The following LRMDA variants were observed in gnomAD, a reference collection of about 807,000 sequenced individuals.
LRMDA encodes leucine rich melanocyte differentiation associated, also known as leucine-rich melanocyte differentiation-associated protein.
In LRMDA, 18 loss-of-function variants were observed where a neutral mutation model predicts 29.8. The ratio of observed to expected loss-of-function variants is 0.60; its 90% CI spans 0.42 to 0.90. The LOEUF is 0.90. Ranked by LOEUF, LRMDA falls within the 40% of genes least tolerant of loss-of-function variation. The pLI, the probability that LRMDA is intolerant of heterozygous loss-of-function variation, is 0.00. For synonymous variants in LRMDA, 125 were observed against 109.4 expected (o/e 1.14, Z -0.89); for missense variants, 273 against 273.9 (o/e 1.00, Z 0.02).
At chr10:76,367,227 G>A (rs942027111) in intron 6 of LRMDA, among the ~76,000 whole-genome samples, 2 of 152,004 alleles carry the variant, frequency 1.3e-5, no homozygotes, top group African/African-American at 2.4e-5. Flanking sequence ...TTTTGGCTAT[G>A]TGCTTTCCTG....
At chr10:75,667,856 G>T (rs763336961) in intron 2 of LRMDA, among the ~76,000 whole-genome samples, 5 of 152,180 alleles carry the variant, frequency 3.3e-5, no homozygotes, top group Non-Finnish European at 7.3e-5. Context: ...CTTTAAAGCA[G>T]AGTTTTTCTG....
chr10:75,648,314 A>T (rs986925874), intron 2 of LRMDA, among the ~76,000 whole-genome samples: 2 of 152,140 alleles, frequency 1.3e-5, no homozygotes, highest in Non-Finnish European at 2.9e-5. Flanking sequence ...TCACCCTGCC[A>T]CACTGCCTCT....
At chr10:76,368,917 T>TAGC (rs771490734) in intron 6 of LRMDA, among the ~76,000 whole-genome samples, 11 of 152,198 alleles carry the variant, frequency 7.2e-5, no homozygotes, top group Non-Finnish European at 1.2e-4. Context: ...TAAGAATAGC[T>TAGC]ACCCCTACTT....
In LRMDA at chr10:76,501,249, C is replaced by T. The variant is rs1842906310; in HGVS notation, c.602-55960C>T. Reference sequence around the variant, plus strand: ...GCAGCATTCTAAGGTGAACATATACCACAGTTTCCTTATTCAGTCTACTAC... The same window carrying T: ...GCAGCATTCTAAGGTGAACATATACTACAGTTTCCTTATTCAGTCTACTAC... On this transcript the variant is annotated intron_variant, in intron 6 of 6. Coordinates refer to ENST00000611255, the MANE Select transcript of LRMDA (RefSeq NM_001305581.2). Among the ~76,000 whole-genome samples, 2 of 150,778 alleles carry T rather than the reference C, an allele frequency of 1.3e-5. 1 individual carries two copies. Among genetic ancestry groups the T allele is most frequent in the African/African-American group, 4.9e-5 (2 of 41,200 alleles).
chr10:76,380,542 G>A (rs7915740), intron 6 of LRMDA, among the ~76,000 whole-genome samples: 3,275 of 151,820 alleles, frequency 0.022, 127 homozygotes, highest in African/African-American at 0.073. Flanking sequence ...GGTGGCGGGC[G>A]CCTGTAGTCT....
At chr10:76,132,525 A>C (rs1363395442) in intron 5 of LRMDA, among the ~76,000 whole-genome samples, 1 of 152,226 alleles carries the variant, frequency 6.6e-6, no homozygotes, top group Non-Finnish European at 1.5e-5. Context: ...TAAAGGTCTT[A>C]TAAATTATAT....
At chr10:76,065,729 C>A (rs1589311334) in intron 5 of LRMDA, among the ~76,000 whole-genome samples, 1 of 152,236 alleles carries the variant, frequency 6.6e-6, no homozygotes, top group Non-Finnish European at 1.5e-5. Context: ...TAAAACCATT[C>A]CTTTCTCTCT....
chr10:76,072,401 A>G (rs1207748191), intron 5 of LRMDA, among the ~76,000 whole-genome samples: 1 of 152,234 alleles, frequency 6.6e-6, no homozygotes, highest in Admixed American at 6.5e-5. Context: ...GCTGATAGAT[A>G]AGAAACATCT....
At chr10:76,007,548 C>A (rs1172689225) in intron 2 of LRMDA, among the ~76,000 whole-genome samples, 2 of 152,186 alleles carry the variant, frequency 1.3e-5, no homozygotes, top group Non-Finnish European at 2.9e-5. Context: ...TGAAAGCCAC[C>A]TGCCCTGGTG....
At chr10:75,813,486 G>T (rs989401033) in intron 2 of LRMDA, among the ~76,000 whole-genome samples, 1 of 152,102 alleles carries the variant, frequency 6.6e-6, no homozygotes, top group Non-Finnish European at 1.5e-5. Context: ...TTGAACCATC[G>T]CTTCACACTT....
At chr10:76,145,333 G>T (rs1314705013) in intron 5 of LRMDA, among the ~76,000 whole-genome samples, 1 of 152,034 alleles carries the variant, frequency 6.6e-6, no homozygotes, top group East Asian at 1.9e-4. Context: ...ACTTTTTTTG[G>T]TTGGTAAGCT....
At chr10:76,266,586 C>T (rs367725785) in intron 5 of LRMDA, among the ~76,000 whole-genome samples, 2 of 152,074 alleles carry the variant, frequency 1.3e-5, no homozygotes, top group East Asian at 3.9e-4. Flanking sequence ...AAACTAAGTA[C>T]AGAGAAGTAA....
intron 2 of LRMDA, among the ~76,000 whole-genome samples, chr10:76,004,938 A>C (rs1754973921): frequency 6.6e-6 from 1 of 152,210 alleles, no homozygotes; most frequent in South Asian, 2.1e-4. Context: ...CTTGTTAGCC[A>C]GGATGGTCTC....
intron 2 of LRMDA, among the ~76,000 whole-genome samples, chr10:75,742,212 A>G (rs2132210776): frequency 6.6e-6 from 1 of 152,376 alleles, no homozygotes; most frequent in Admixed American, 6.5e-5. Flanking sequence ...TTTTTCATAC[A>G]CATATCATGA....
At chr10:76,343,791 A>G (rs1398035504) in intron 6 of LRMDA, among the ~76,000 whole-genome samples, 1 of 151,824 alleles carries the variant, frequency 6.6e-6, no homozygotes, top group East Asian at 1.9e-4. Flanking sequence ...AGCCTATTAT[A>G]AAAGTTTCAT....
intron 5 of LRMDA, among the ~76,000 whole-genome samples, chr10:76,074,908 G>A (rs11001606): frequency 0.37 from 56,465 of 152,088 alleles, 11,800 homozygotes; most frequent in Non-Finnish European, 0.46. Context: ...GATGGAGAGT[G>A]AGGAGTGTCC....
At chr10:76,419,364 T>A (rs1348827080) in intron 6 of LRMDA, among the ~76,000 whole-genome samples, 1 of 152,104 alleles carries the variant, frequency 6.6e-6, no homozygotes, top group Non-Finnish European at 1.5e-5. Context: ...AATTAGCTTT[T>A]TTTCAGTTGG....
At chr10:75,889,537 T>C (rs1472003322) in intron 2 of LRMDA, among the ~76,000 whole-genome samples, 1 of 152,142 alleles carries the variant, frequency 6.6e-6, no homozygotes, top group African/African-American at 2.4e-5. Context: ...GATCAAACTT[T>C]GGTATTAAAT....
intron 5 of LRMDA, among the ~76,000 whole-genome samples, chr10:76,091,584 C>T (rs1013723928): frequency 2.6e-5 from 4 of 152,082 alleles, no homozygotes; most frequent in Admixed American, 2.0e-4. Context: ...CACTCATAGT[C>T]ACTTGGGGGT....
Sources: gnomAD v4.1 joint callset for allele counts (sites outside exome capture counted in the v4.1 genomes callset) on GRCh38, gnomAD v4.1.1 for gene constraint, MANE v1.5 for transcripts, NCBI Gene and HGNC (gene_info 2026-07-23, HGNC 2026-07-21) for gene names.